Variants in RIMS2 observed in about 807,000 individuals in gnomAD.
The protein encoded by RIMS2 is regulating synaptic membrane exocytosis protein 2.
RIMS2 carries 59 observed loss-of-function variants against 174.4 expected under a neutral mutation model. That is an observed-to-expected ratio of 0.34 (90% CI 0.27 to 0.42). RIMS2 has a LOEUF of 0.42. Ranked by LOEUF, RIMS2 falls within the 10% of genes least tolerant of loss-of-function variation. The pLI, the probability that RIMS2 is intolerant of heterozygous loss-of-function variation, is 1.00. For missense variants in RIMS2, 1,620 were observed against 1,666.3 expected (o/e 0.97, Z 0.48); for synonymous variants, 606 against 572.5 (o/e 1.06, Z -0.84).
chr8:103,763,971 A>G (rs886806084), intron 2 of RIMS2, among the ~76,000 whole-genome samples: 1 of 152,182 alleles, frequency 6.6e-6, no homozygotes, highest in African/African-American at 2.4e-5. Context: ...AAATGTTAGC[A>G]AACATCAGAA....
chr8:103,751,662 C>T lies in RIMS2; in HGVS notation c.388-14565C>T, dbSNP rs547811627. 5.6e-3 allele frequency among the ~76,000 whole-genome samples: 853 copies of T among 151,548 alleles called. 7 individuals are homozygous for T. Among genetic ancestry groups the T allele is most frequent in the Non-Finnish European group, 8.3e-3 (565 of 67,898 alleles). ...TTCTAACTGGTGTGAGATGATATCTCATTGTGGTTTTGATTTGCATTTCTC... is the reference window on the plus strand; with the variant it reads ...TTCTAACTGGTGTGAGATGATATCTTATTGTGGTTTTGATTTGCATTTCTC... On this transcript the variant is annotated intron_variant, in intron 2 of 23. Coordinates refer to ENST00000504942, the Ensembl canonical transcript of RIMS2.
At chr8:103,885,928 A>T in exon 4 of RIMS2, 2 of 1,613,004 alleles carry the variant, frequency 1.2e-6, no homozygotes, top group African/African-American at 1.3e-5. Flanking sequence ...CACTACCCAT[A>T]GATAGACCAG....
At chr8:104,113,527 G>A (rs1018025269) in intron 19 of RIMS2, among the ~76,000 whole-genome samples, 2 of 151,804 alleles carry the variant, frequency 1.3e-5, no homozygotes, top group Non-Finnish European at 2.9e-5. Context: ...TATATCTTAC[G>A]CATTTCTGTA....
At chr8:104,193,052 T>C (rs1474452074) in intron 19 of RIMS2, among the ~76,000 whole-genome samples, 1 of 150,174 alleles carries the variant, frequency 6.7e-6, no homozygotes, top group Non-Finnish European at 1.5e-5. Context: ...TCTCCTCCCC[T>C]CTCTCTCTCT....
At chr8:103,753,129 G>C (rs1157310365) in intron 2 of RIMS2, among the ~76,000 whole-genome samples, 1 of 151,842 alleles carries the variant, frequency 6.6e-6, no homozygotes, top group Admixed American at 6.6e-5. Context: ...AATTTATTGA[G>C]AGTTTTTAGC....
chr8:103,513,023 C>T (rs769601450), intron 1 of RIMS2, among the ~76,000 whole-genome samples: 1 of 152,010 alleles, frequency 6.6e-6, no homozygotes, highest in Non-Finnish European at 1.5e-5. Context: ...TTAACTAATT[C>T]TTATAAGATA....
chr8:103,554,618 C>A (rs942129155), intron 1 of RIMS2, among the ~76,000 whole-genome samples: 5 of 152,148 alleles, frequency 3.3e-5, no homozygotes, highest in African/African-American at 4.8e-5. Flanking sequence ...TTATGGATGG[C>A]AGTTTGGTGA....
intron 1 of RIMS2, among the ~76,000 whole-genome samples, chr8:103,554,062 A>G (rs1270128751): frequency 6.6e-6 from 1 of 152,214 alleles, no homozygotes; most frequent in African/African-American, 2.4e-5. Flanking sequence ...AGATGGATTA[A>G]AGACTTAAAT....
intron 3 of RIMS2, among the ~76,000 whole-genome samples, chr8:103,784,749 C>T (rs57971445): frequency 0.29 from 16,822 of 57,786 alleles, 2,925 homozygotes; most frequent in East Asian, 0.78. Flanking sequence ...CTTGGCGATG[C>T]GGGCTCTTTT....
intron 3 of RIMS2, among the ~76,000 whole-genome samples, chr8:103,843,824 T>C (rs2098954008): frequency 6.6e-6 from 1 of 152,224 alleles, no homozygotes; most frequent in African/African-American, 2.4e-5. Flanking sequence ...ATGATTGTTG[T>C]AATTAAAATA....
chr8:103,718,070 A>G (rs2097396369), intron 2 of RIMS2, among the ~76,000 whole-genome samples: 1 of 152,182 alleles, frequency 6.6e-6, no homozygotes, highest in Admixed American at 6.5e-5. Context: ...TAGCAATATG[A>G]TGTATATTCT....
At position 104,005,136 on chromosome 8, in the gene RIMS2, T is replaced by G. The variant is rs964335956; in HGVS notation, c.3045-8306T>G. Among the ~76,000 whole-genome samples the G allele has an allele frequency of 2.0e-5, 3 of 152,352 alleles. No homozygotes were observed. In the East Asian group the frequency reaches 5.8e-4, roughly 29 times the overall value. On this transcript the variant is annotated intron_variant, in intron 17 of 23. Transcript: ENST00000504942. ...GGTTCATGATTGTTCAATGATTTTC[T>G]GCCTTTGCATTGAAATCTTCTAGCA...
At chr8:103,542,932 G>T (rs1283665631) in intron 1 of RIMS2, among the ~76,000 whole-genome samples, 1 of 152,096 alleles carries the variant, frequency 6.6e-6, no homozygotes, top group Non-Finnish European at 1.5e-5. Flanking sequence ...AATGGTGAAA[G>T]TTGAAAACTT....
chr8:103,603,561 A>C (rs1354793801), intron 1 of RIMS2, among the ~76,000 whole-genome samples: 1 of 152,164 alleles, frequency 6.6e-6, no homozygotes, highest in Non-Finnish European at 1.5e-5. Flanking sequence ...TGGATCCCTG[A>C]TGAATCGCCA....
At chr8:104,223,488 G>T in intron 19 of RIMS2, 2 of 1,378,376 alleles carry the variant, frequency 1.5e-6, no homozygotes, top group Non-Finnish European at 1.9e-6. Context: ...GGAAAGCCAC[G>T]TCTCCTCCGG....
chr8:104,177,347 T>C (rs2098908251), intron 19 of RIMS2, among the ~76,000 whole-genome samples: 1 of 152,168 alleles, frequency 6.6e-6, no homozygotes, highest in Non-Finnish European at 1.5e-5. Context: ...GGCTATATTC[T>C]ATATAACAGC....
intron 3 of RIMS2, among the ~76,000 whole-genome samples, chr8:103,789,771 T>TTTTTTTTTA (rs2098479552): frequency 1.2e-4 from 12 of 100,678 alleles, no homozygotes; most frequent in South Asian, 2.9e-4. Context: ...TTTTTTTTTT[T>TTTTTTTTTA]GAGACAGGGT....
chr8:104,224,893 T>C (rs552975461), intron 19 of RIMS2, among the ~76,000 whole-genome samples: 15 of 152,356 alleles, frequency 9.8e-5, no homozygotes, highest in African/African-American at 3.1e-4. Context: ...TTCTAGGTTA[T>C]TGTTGCAATA....
intron 3 of RIMS2, among the ~76,000 whole-genome samples, chr8:103,861,133 GC>G (rs1370138366): frequency 7.1e-6 from 1 of 141,726 alleles, no homozygotes; most frequent in Non-Finnish European, 1.5e-5. Flanking sequence ...CCCCTCCTAA[GC>G]CCCCCATTTT....
Sources: allele counts gnomAD v4.1 joint callset (sites outside exome capture counted in the v4.1 genomes callset), GRCh38; gene constraint gnomAD v4.1.1; transcripts MANE v1.5; gene names NCBI Gene and HGNC (gene_info 2026-07-23, HGNC 2026-07-21).